The following SMARCA2 variants were observed in gnomAD, a reference collection of about 807,000 sequenced individuals.
SMARCA2 encodes the protein SWI/SNF-related matrix-associated actin-dependent regulator of chromatin subfamily A member 2.
In SMARCA2, 61 loss-of-function variants were observed where a neutral mutation model predicts 199.8. That is an observed-to-expected ratio of 0.31 (90% CI 0.25 to 0.38). The LOEUF (loss-of-function observed/expected upper bound fraction) is 0.38, where lower values mean the gene tolerates loss of function less well. Ranked by LOEUF, SMARCA2 falls within the 10% of genes least tolerant of loss-of-function variation. The probability of loss-of-function intolerance (pLI) is 1.00; values close to 1 mark genes in which losing one functional copy is unlikely to be tolerated. For synonymous variants in SMARCA2, 935 were observed against 732.0 expected, an observed-to-expected ratio of 1.28 and a Z score of -4.48; for missense variants, 1,344 against 2,012.2, an observed-to-expected ratio of 0.67 and a Z score of 6.35.
chr9:2,074,385 C>T (rs949407531), intron 12 of SMARCA2, among the ~76,000 whole-genome samples: 7 of 151,986 alleles, frequency 4.6e-5, no homozygotes, highest in Non-Finnish European at 1.0e-4. Flanking sequence ...TTGAGAGTGC[C>T]GTAGTATAGG....
At chr9:2,184,564 G>A (rs563831327) in intron 31 of SMARCA2, among the ~76,000 whole-genome samples, 41 of 151,198 alleles carry the variant, frequency 2.7e-4, no homozygotes, top group South Asian at 8.4e-4. Flanking sequence ...CATGTTGGCC[G>A]GGCTGGTCTC....
At chr9:2,090,252 G>A (rs1187430329) in intron 19 of SMARCA2, among the ~76,000 whole-genome samples, 1 of 152,156 alleles carries the variant, frequency 6.6e-6, no homozygotes. Context: ...ATGATCACGA[G>A]TATGTCTCTT....
At chr9:2,042,572 GGA>G (rs1451834376) in intron 4 of SMARCA2, 1 of 151,976 alleles carries the variant, frequency 6.6e-6, no homozygotes, top group Non-Finnish European at 1.5e-5. Context: ...CCATTTATCT[GGA>G]TACCTGTACA....
rs1252446928 is a variant in SMARCA2, at chr9:2,169,157, A to G, written c.4200-1262A>G. ...CTGCTCCTAATTGTCCCTACAAGAC[A>G]CCCGTTCACCTGCCTCCTCACCCCC... On this transcript the variant is annotated intron_variant, in intron 28 of 33. Transcript: ENST00000349721. The surrounding 1 kb of genome is among the most constrained non-coding windows in gnomAD (Gnocchi z 6.5). Among the ~76,000 whole-genome samples the G allele has an allele frequency of 6.6e-6, 1 of 152,094 alleles. No homozygotes were observed. The highest frequency in any genetic ancestry group is 2.4e-5 in the African/African-American group (1 of 41,394).
chr9:2,034,461 T>C (rs894112515), intron 3 of SMARCA2, among the ~76,000 whole-genome samples: 1 of 152,232 alleles, frequency 6.6e-6, no homozygotes, highest in Non-Finnish European at 1.5e-5. Flanking sequence ...AGCCTTTTAA[T>C]ACAATGTAGC....
In SMARCA2 at chr9:2,033,010, A is replaced by T; in HGVS notation, c.284A>T (p.Lys95Met). The change falls in exon 3 of 34, where the codon AAG (lysine) becomes ATG (methionine). Residue 95 changes from lysine (K) to methionine (M), a missense_variant. By Grantham distance (95) the Lys-to-Met change is moderately conservative. Coordinates refer to ENST00000349721, the MANE Select transcript of SMARCA2 (RefSeq NM_003070.5). ...GAAGACATCCATTGTGGATCCATGA[A>T]GGGCACTGGTATGCGACCACCTCAC... is the stretch of plus-strand genomic sequence containing the variant. ...IVEDIHCGSMKGTGMRPPHPG... is the reference protein window; with the variant it reads ...IVEDIHCGSMMGTGMRPPHPG... 1 of 1,614,018 alleles carries T rather than the reference A, an allele frequency of 6.2e-7. No homozygotes were observed. Among genetic ancestry groups the T allele is most frequent in the Non-Finnish European group, 8.5e-7 (1 of 1,179,870 alleles).
Position 2,040,002 on chromosome 9 carries a change from G to T in SMARCA2, c.790+102G>T, listed in dbSNP as rs1445858858. 4 of 1,544,722 alleles carry T rather than the reference G, an allele frequency of 2.6e-6. No homozygotes were observed. In the East Asian group the frequency reaches 6.7e-5, roughly 26 times the overall value. ...TTGTTAAAAGCCCGGGGCTGACGTA[G>T]CCTTTTGTTATACCTCACTGGCTCT... On this transcript the variant is annotated intron_variant, in intron 4 of 33. Transcript: ENST00000349721.
rs1161192494 is a variant in SMARCA2, at chr9:2,056,313, T to G, written c.1174-359T>G. Among the ~76,000 whole-genome samples the G allele has an allele frequency of 6.6e-6, 1 of 152,198 alleles. No homozygotes were observed. Among genetic ancestry groups the G allele is most frequent in the Non-Finnish European group, 1.5e-5 (1 of 68,030 alleles). On this transcript the variant is annotated intron_variant, in intron 6 of 33. Transcript: ENST00000349721. The surrounding 1 kb of genome is among the most constrained non-coding windows in gnomAD (Gnocchi z 4.0). ...CACAAAGAGAATGTTAACATGACACTTAAAACAAAGCGGAAAATTTAAAAA... is the reference window on the plus strand; with the variant it reads ...CACAAAGAGAATGTTAACATGACACGTAAAACAAAGCGGAAAATTTAAAAA...
Position 2,169,298 on chromosome 9 carries a change from A to G in SMARCA2, c.4200-1121A>G, listed in dbSNP as rs1826111027. Among the ~76,000 whole-genome samples, 1 of 152,038 alleles carries G rather than the reference A, an allele frequency of 6.6e-6. No homozygotes were observed. The highest frequency in any genetic ancestry group is 6.6e-5 in the Admixed American group (1 of 15,264). On this transcript the variant is annotated intron_variant, in intron 28 of 33. Coordinates refer to ENST00000349721, the MANE Select transcript of SMARCA2 (RefSeq NM_003070.5). This position sits in a 1 kb window ranked among gnomAD's most constrained non-coding sequence, Gnocchi z 6.5. ...TTCTTTCTGAGGCACCTAACTTGTC[A>G]TTTCATATTGTAACTTTAGAACTCT...
At chr9:2,137,826 T>G (rs1586743346) in intron 27 of SMARCA2, among the ~76,000 whole-genome samples, 1 of 152,308 alleles carries the variant, frequency 6.6e-6, no homozygotes, top group East Asian at 1.9e-4. Context: ...AGGAGGGATT[T>G]GGTTGCAGCC....
rs184524235 is a variant in SMARCA2 at position 2,164,452 on chromosome 9, G to T, written c.4199+2549G>T. On this transcript the variant is annotated intron_variant, in intron 28 of 33. Coordinates refer to ENST00000349721, the MANE Select transcript of SMARCA2 (RefSeq NM_003070.5). The stretch of plus-strand genomic sequence containing the variant: ...CCTGAGCCTCAGTTTCCCCATCCCA[G>T]AATCCCAGAAATGGGATTCATTACT... Among the ~76,000 whole-genome samples, 17 of 152,274 alleles carry T rather than the reference G, an allele frequency of 1.1e-4. No individual in the cohort carries two copies. In the East Asian group the frequency reaches 2.3e-3, roughly 21 times the overall value.
chr9:2,021,900 A>AG (rs1818616639), intron 1 of SMARCA2: 1 of 150,258 alleles, frequency 6.7e-6, no homozygotes, highest in Non-Finnish European at 1.5e-5. Context: ...AGGTTGCTGT[A>AG]GGGGGAGGGC....
At chr9:2,025,664 C>T (rs768536973) in intron 1 of SMARCA2, among the ~76,000 whole-genome samples, 1 of 152,168 alleles carries the variant, frequency 6.6e-6, no homozygotes, top group African/African-American at 2.4e-5. Context: ...TTGGCCAATA[C>T]TGGACTTTAA....
intron 4 of SMARCA2, 99 bp from the exon 5 acceptor site, chr9:2,047,130 T>A: frequency 2.3e-6 from 2 of 885,368 alleles, no homozygotes; most frequent in Non-Finnish European, 2.7e-6. Flanking sequence ...AGACACTTAA[T>A]GGTCCCCAGC....
At chr9:2,021,002 G>A (rs1270313647) in intron 1 of SMARCA2, among the ~76,000 whole-genome samples, 3 of 152,106 alleles carry the variant, frequency 2.0e-5, no homozygotes, top group African/African-American at 4.8e-5. Flanking sequence ...AGATAGCTAC[G>A]ACTTCCAGAA....
chr9:2,158,870 A>C, intron 27 of SMARCA2: 3 of 1,439,540 alleles, frequency 2.1e-6, no homozygotes, highest in Admixed American at 2.3e-5. Flanking sequence ...TAGAAATCAC[A>C]GAACATAAAG....
intron 28 of SMARCA2, among the ~76,000 whole-genome samples, chr9:2,163,652 A>C (rs71490205): frequency 9.2e-5 from 14 of 152,194 alleles, no homozygotes; most frequent in Admixed American, 4.6e-4. Context: ...CCTTTGTCTC[A>C]GGAGAGTGTA....
intron 1 of SMARCA2, among the ~76,000 whole-genome samples, chr9:2,023,627 A>G (rs1818699030): frequency 6.6e-6 from 1 of 152,162 alleles, no homozygotes; most frequent in South Asian, 2.1e-4. Flanking sequence ...GGCCTTGGTA[A>G]TGTTTCACCG....
chr9:2,191,455 G>A (rs1460996145), intron 33 of SMARCA2, 47 bp downstream of exon 33: 10 of 1,604,196 alleles, frequency 6.2e-6, no homozygotes, highest in Non-Finnish European at 8.5e-6. Flanking sequence ...CCTCTCCCCT[G>A]CTTGCTGGCC....
Sources: gnomAD v4.1 joint callset for allele counts (sites outside exome capture counted in the v4.1 genomes callset) on GRCh38, gnomAD v4.1.1 for gene constraint, Gnocchi (gnomAD v3.1) non-coding constraint, MANE v1.5 for transcripts, NCBI Gene and HGNC (gene_info 2026-07-23, HGNC 2026-07-21) for gene names.